Variants in ZNF362 observed in about 807,000 individuals in gnomAD.
ZNF362 encodes the protein zinc finger protein 362, also known as rotund homolog.
A neutral mutation model predicts 42.9 loss-of-function variants in ZNF362; 11 were observed. The ratio of observed to expected loss-of-function variants is 0.26; its 90% CI spans 0.16 to 0.42. The LOEUF (loss-of-function observed/expected upper bound fraction) is 0.42. Among genes scored for constraint, ZNF362 ranks in the 20% least tolerant of loss-of-function variants. The probability of loss-of-function intolerance (pLI) is 1.00; values close to 1 mark genes in which losing one functional copy is unlikely to be tolerated. For synonymous variants in ZNF362, 255 were observed against 257.3 expected, an observed-to-expected ratio of 0.99 and a Z score of 0.09; for missense variants, 362 against 576.2, an observed-to-expected ratio of 0.63 and a Z score of 3.81.
intron 1 of ZNF362, among the ~76,000 whole-genome samples, chr1:33,259,407 G>T (rs190842334): frequency 7.9e-5 from 12 of 152,342 alleles, no homozygotes; most frequent in Admixed American, 7.2e-4. Flanking sequence ...AAGCAGGTGT[G>T]TGGGTAAGGT....
chr1:33,146,106 A>G, the ZNF362 span: 1 of 285,906 alleles, frequency 3.5e-6, no homozygotes, highest in Non-Finnish European at 7.0e-6. Context: ...AACAGACATG[A>G]TGAATCTGGC....
At chr1:33,149,023 ACCT>A in the ZNF362 span, among the ~76,000 whole-genome samples, 2 of 151,926 alleles carry the variant, frequency 1.3e-5, no homozygotes, top group Non-Finnish European at 2.9e-5. Context: ...GGTTCCCTCC[ACCT>A]CCTCCTCTCT....
At chr1:33,250,626 A>T in the ZNF362 span, among the ~76,000 whole-genome samples, 1 of 152,082 alleles carries the variant, frequency 6.6e-6, no homozygotes, top group Non-Finnish European at 1.5e-5. Context: ...AGAAGAGCTA[A>T]TGGATGCTGG....
the ZNF362 span, among the ~76,000 whole-genome samples, chr1:33,204,749 C>G: frequency 3.3e-5 from 5 of 152,164 alleles, no homozygotes; most frequent in Admixed American, 3.3e-4. Flanking sequence ...GCACTCATCT[C>G]TTTTATTCAT....
At chr1:33,159,882 C>A in the ZNF362 span, 1 of 1,611,778 alleles carries the variant, frequency 6.2e-7, no homozygotes, top group Non-Finnish European at 8.5e-7. The surrounding 1 kb of genome is among the most constrained non-coding windows in gnomAD (Gnocchi z 4.2). Context: ...GGCGTTCACG[C>A]AGCAGCCGGT....
At chr1:33,200,806 C>T in the ZNF362 span, among the ~76,000 whole-genome samples, 26 of 152,114 alleles carry the variant, frequency 1.7e-4, no homozygotes, top group Non-Finnish European at 3.5e-4. Flanking sequence ...TCATAAAGTC[C>T]TAACCTCCAA....
At chr1:33,142,154 C>T in the ZNF362 span, 1 of 152,416 alleles carries the variant, frequency 6.6e-6, no homozygotes, top group Admixed American at 6.5e-5. Flanking sequence ...TGTATTTAAG[C>T]CTGTGATACC....
chr1:33,147,073 T>A, the ZNF362 span: 16 of 1,287,392 alleles, frequency 1.2e-5, no homozygotes, highest in Non-Finnish European at 1.6e-5. This position sits in a 1 kb window ranked among gnomAD's most constrained non-coding sequence, Gnocchi z 8.1. Context: ...TGGCCTGAGG[T>A]CTCCAGTGGC....
At chr1:33,182,537 G>A in the ZNF362 span, among the ~76,000 whole-genome samples, 1 of 152,076 alleles carries the variant, frequency 6.6e-6, no homozygotes, top group African/African-American at 2.4e-5. Flanking sequence ...AGTTTGGAAA[G>A]CCCTGGCTAA....
At chr1:33,194,200 C>T in the ZNF362 span, among the ~76,000 whole-genome samples, 1 of 152,072 alleles carries the variant, frequency 6.6e-6, no homozygotes, top group African/African-American at 2.4e-5. Context: ...GAAGGCAGCA[C>T]AGAAAGCAGC....
At chr1:33,193,165 G>A in the ZNF362 span, among the ~76,000 whole-genome samples, 1 of 152,080 alleles carries the variant, frequency 6.6e-6, no homozygotes, top group African/African-American at 2.4e-5. Context: ...ATATATAGCT[G>A]AGCTCAAAAG....
chr1:33,267,817 C>G (rs546230262), intron 1 of ZNF362, among the ~76,000 whole-genome samples: 1 of 152,298 alleles, frequency 6.6e-6, no homozygotes, highest in South Asian at 2.1e-4. Context: ...CTGACGCAAA[C>G]AGCTTTGTAC....
intron 1 of ZNF362, among the ~76,000 whole-genome samples, chr1:33,265,416 G>A (rs1267254593): frequency 6.6e-6 from 1 of 152,000 alleles, no homozygotes; most frequent in Non-Finnish European, 1.5e-5. Context: ...GATTAGCCCT[G>A]CCATCACAAT....
At chr1:33,295,120 T>C in intron 7 of ZNF362, 27 bp from the exon 8 acceptor site, 1 of 1,611,120 alleles carries the variant, frequency 6.2e-7, no homozygotes, top group South Asian at 1.1e-5. Flanking sequence ...CCTGTTCCTC[T>C]CCTGACCCCC....
the ZNF362 span, chr1:33,159,550 G>T: frequency 1.6e-6 from 2 of 1,279,592 alleles, no homozygotes; most frequent in Non-Finnish European, 1.0e-6. This position sits in a 1 kb window ranked among gnomAD's most constrained non-coding sequence, Gnocchi z 4.2. Flanking sequence ...ACCCATAGCA[G>T]ATGTCCCGTA....
chr1:33,168,990 A>G, the ZNF362 span, among the ~76,000 whole-genome samples: 1 of 142,420 alleles, frequency 7.0e-6, no homozygotes, highest in Non-Finnish European at 1.5e-5. Flanking sequence ...GGGAATAAGG[A>G]CAGCGGGCTT....
In ZNF362 at chr1:33,280,512, A is replaced by C; in HGVS notation, c.683+55A>C. On this transcript the variant is annotated intron_variant, in intron 5 of 8. Transcript: ENST00000539719. This position sits in a 1 kb window ranked among gnomAD's most constrained non-coding sequence, Gnocchi z 5.6. The stretch of plus-strand genomic sequence containing the variant: ...TGGGCTTGGGGCTGGGGCTTGAGCC[A>C]GGGCTGCTCCAGGAGCCCAGCAGCG... The C allele has an allele frequency of 1.3e-5, 20 of 1,486,420 alleles. 1 individual carries two copies. In the South Asian group the frequency reaches 2.6e-4, roughly 19 times the overall value. The allele number at this position is 1,486,420 out of a possible 1,614,324, so 92.1% of individuals were successfully genotyped here.
At chr1:33,244,157 T>C in the ZNF362 span, among the ~76,000 whole-genome samples, 2 of 152,150 alleles carry the variant, frequency 1.3e-5, no homozygotes, top group African/African-American at 2.4e-5. This position sits in a 1 kb window ranked among gnomAD's most constrained non-coding sequence, Gnocchi z 4.0. Context: ...TTTTGCTTCC[T>C]CTCTGATTCT....
chr1:33,288,481 G>A (rs1646047638), intron 6 of ZNF362, among the ~76,000 whole-genome samples: 1 of 152,074 alleles, frequency 6.6e-6, no homozygotes, highest in Admixed American at 6.6e-5. Flanking sequence ...GCTCATTCCT[G>A]TAATCCCAGC....
Sources: allele counts gnomAD v4.1 joint callset (sites outside exome capture counted in the v4.1 genomes callset), GRCh38; gene constraint gnomAD v4.1.1; non-coding constraint Gnocchi (gnomAD v3.1); transcripts MANE v1.5; gene names NCBI Gene and HGNC (gene_info 2026-07-23, HGNC 2026-07-21).